The following MYO5A variants were observed in gnomAD, a reference collection of about 807,000 sequenced individuals.
MYO5A encodes the protein myosin VA, also known as unconventional myosin-Va.
Under a neutral mutation model 249.7 loss-of-function variants are expected in MYO5A, and 98 were observed. That is an observed-to-expected ratio of 0.39 (90% CI 0.33 to 0.46). The LOEUF (loss-of-function observed/expected upper bound fraction) is 0.46, where lower values mean the gene tolerates loss of function less well. Among genes scored for constraint, MYO5A ranks in the 20% least tolerant of loss-of-function variants. The probability of loss-of-function intolerance (pLI) is 0.98; values close to 1 mark genes in which losing one functional copy is unlikely to be tolerated. For missense variants in MYO5A, 1,696 were observed against 2,308.8 expected (o/e 0.73, Z 5.44); for synonymous variants, 778 against 810.6 (o/e 0.96, Z 0.68).
chr15:52,487,332 C>A (rs1022230652), intron 1 of MYO5A, among the ~76,000 whole-genome samples: 1 of 151,948 alleles, frequency 6.6e-6, no homozygotes, highest in Non-Finnish European at 1.5e-5. Flanking sequence ...GGGAGGATTG[C>A]TTGAGGACAG....
Position 52,493,219 on chromosome 15 carries a change from T to C in MYO5A, c.27+35561A>G, listed in dbSNP as rs138185253. ...TAATTATAGCCACAGATTAAGTGGC[T>C]AGCAAATGATCTTAAATAATCTATG... On this transcript the variant is annotated intron_variant, in intron 1 of 41. Transcript: ENST00000399233. 2.9e-4 allele frequency among the ~76,000 whole-genome samples: 44 copies of C among 152,358 alleles called. No homozygotes were observed. In the East Asian group the frequency reaches 7.9e-3, roughly 27 times the overall value.
intron 1 of MYO5A, among the ~76,000 whole-genome samples, chr15:52,473,924 T>C (rs541615183): frequency 6.6e-6 from 1 of 152,322 alleles, no homozygotes; most frequent in South Asian, 2.1e-4. Context: ...TCCAATTCTG[T>C]GAAGAAAGTC....
At chr15:52,399,234 A>G (rs2042632588) in intron 9 of MYO5A, among the ~76,000 whole-genome samples, 1 of 152,178 alleles carries the variant, frequency 6.6e-6, no homozygotes, top group South Asian at 2.1e-4. Flanking sequence ...TTTTTGCTAT[A>G]TATCTTTCGA....
intron 1 of MYO5A, among the ~76,000 whole-genome samples, chr15:52,485,047 G>C (rs2076789324): frequency 1.3e-5 from 2 of 152,006 alleles, no homozygotes; most frequent in Non-Finnish European, 2.9e-5. Flanking sequence ...TAAGTAAACT[G>C]TCTGTTCTTT....
At chr15:52,335,057 T>A (rs1277015359) in intron 34 of MYO5A, among the ~76,000 whole-genome samples, 1 of 152,208 alleles carries the variant, frequency 6.6e-6, no homozygotes, top group Non-Finnish European at 1.5e-5. Context: ...TCATGATAGA[T>A]TCTTTTGAAC....
chr15:52,449,729 G>A (rs767402222), intron 1 of MYO5A, among the ~76,000 whole-genome samples: 3 of 152,196 alleles, frequency 2.0e-5, no homozygotes, highest in Non-Finnish European at 4.4e-5. Context: ...GCTAGGCACA[G>A]TAGCTCATGC....
intron 35 of MYO5A, among the ~76,000 whole-genome samples, chr15:52,329,379 G>A (rs1396086553): frequency 6.6e-6 from 1 of 152,216 alleles, no homozygotes; most frequent in African/African-American, 2.4e-5. Flanking sequence ...GGAATGCTGT[G>A]CAAAGGCTGA....
At chr15:52,483,860 T>C (rs2076765119) in intron 1 of MYO5A, among the ~76,000 whole-genome samples, 1 of 152,238 alleles carries the variant, frequency 6.6e-6, no homozygotes, top group South Asian at 2.1e-4. Flanking sequence ...GTCTGCTCTA[T>C]ACAGCTAATG....
rs1595763567 is a variant in MYO5A at position 52,480,942 on chromosome 15, G to C, written c.28-47657C>G. On this transcript the variant is annotated intron_variant, in intron 1 of 41. Coordinates refer to ENST00000399233, the MANE Select transcript of MYO5A (RefSeq NM_001382347.1). ...GGCACAGGTCTAGTCCTGGGATACA[G>C]CATTGCACTTGCAGCTGGATTCATG... Among the ~76,000 whole-genome samples the C allele has an allele frequency of 2.6e-5, 4 of 152,186 alleles. No homozygotes were observed. In the South Asian group the frequency reaches 8.3e-4, roughly 32 times the overall value.
chr15:52,397,914 A>G lies in MYO5A; in HGVS notation c.1054-448T>C, dbSNP rs1231222669. ...TAAAATGAAAAATACCACAAAGACC[A>G]AGGACACTATGCTGAGTCCATGTGA... On this transcript the variant is annotated intron_variant, in intron 9 of 41. Transcript: ENST00000399233. 2.6e-5 allele frequency among the ~76,000 whole-genome samples: 4 copies of G among 152,260 alleles called. 1 individual carries two copies. Among genetic ancestry groups the G allele is most frequent in the Admixed American group, 1.3e-4 (2 of 15,288 alleles).
At chr15:52,435,561 G>A in intron 1 of MYO5A, 1 of 432,160 alleles carries the variant, frequency 2.3e-6, no homozygotes, top group South Asian at 1.7e-5. Context: ...ACAGGCATGA[G>A]CCACCATGCC....
chr15:52,515,302 G>GAAAA (rs386382999), intron 1 of MYO5A, among the ~76,000 whole-genome samples: 13 of 150,566 alleles, frequency 8.6e-5, no homozygotes, highest in Non-Finnish European at 1.6e-4. Context: ...AAGAAAGAAA[G>GAAAA]AAAAAAAAGA....
chr15:52,481,241 T>C (rs2076708672), intron 1 of MYO5A, among the ~76,000 whole-genome samples: 1 of 152,238 alleles, frequency 6.6e-6, no homozygotes, highest in Middle Eastern at 3.2e-3. Context: ...AGGTATGTCC[T>C]TGCTGAAGAT....
At chr15:52,443,350 T>C (rs1019309904) in intron 1 of MYO5A, among the ~76,000 whole-genome samples, 1 of 152,218 alleles carries the variant, frequency 6.6e-6, no homozygotes, top group Non-Finnish European at 1.5e-5. Context: ...GTTCATGAAC[T>C]TCTATAAATG....
rs3985806 is a variant in MYO5A, at chr15:52,367,870, A to AACACACACAC, written c.3067-756_3067-747dup. Among the ~76,000 whole-genome samples, 736 of 141,868 alleles carry AACACACACAC rather than the reference A, an allele frequency of 5.2e-3. 5 individuals are homozygous for AACACACACAC. Among genetic ancestry groups the AACACACACAC allele is most frequent in the African/African-American group, 0.014 (531 of 37,540 alleles). The allele number at this position is 141,868 out of a possible 152,430, so 93.1% of individuals were successfully genotyped here. On this transcript the variant is annotated intron_variant, in intron 22 of 41. Coordinates refer to ENST00000399233, the MANE Select transcript of MYO5A (RefSeq NM_001382347.1). ...AAATTTTATGTCATGTATATTTTAA[A>AACACACACAC]ACACACACACACACACACACACACA...
chr15:52,312,253 C>A lies in MYO5A; in HGVS notation c.*1443G>T, dbSNP rs557586990. On this transcript the variant is annotated 3_prime_UTR_variant, in exon 42 of 42. Transcript: ENST00000399233. ...GAGAACACTTATAGAAGCTGCAAAG[C>A]CTTAAAAACTGAATCATAATGAAAT... The A allele has an allele frequency of 5.9e-5, 9 of 152,160 alleles. No homozygotes were observed. Among genetic ancestry groups the A allele is most frequent in the African/African-American group, 1.9e-4 (8 of 41,526 alleles). The allele number at this position is 152,160 out of a possible 1,614,324, so 9.4% of individuals were successfully genotyped here. A position where few individuals can be genotyped will look rare whatever the true frequency, so the allele number is the denominator to read the frequency against.
At chr15:52,475,423 C>T (rs1364621194) in intron 1 of MYO5A, among the ~76,000 whole-genome samples, 3 of 152,182 alleles carry the variant, frequency 2.0e-5, no homozygotes, top group Non-Finnish European at 4.4e-5. Flanking sequence ...TTCTTGCCTT[C>T]TGCTAGCTTT....
At chr15:52,476,255 C>T (rs1278159358) in intron 1 of MYO5A, among the ~76,000 whole-genome samples, 4 of 152,088 alleles carry the variant, frequency 2.6e-5, no homozygotes, top group Non-Finnish European at 5.9e-5. Context: ...GTAGATCTTC[C>T]TCCATCCCTT....
intron 1 of MYO5A, among the ~76,000 whole-genome samples, chr15:52,461,314 A>G (rs1292412771): frequency 6.6e-6 from 1 of 152,240 alleles, no homozygotes; most frequent in East Asian, 1.9e-4. Flanking sequence ...TTAAAATCTT[A>G]GCAGTGGTTA....
Sources: gnomAD v4.1 joint callset for allele counts (sites outside exome capture counted in the v4.1 genomes callset) on GRCh38, gnomAD v4.1.1 for gene constraint, MANE v1.5 for transcripts, NCBI Gene and HGNC (gene_info 2026-07-23, HGNC 2026-07-21) for gene names.